The following ANP32A variants were observed in gnomAD, a reference collection of about 807,000 sequenced individuals.
ANP32A encodes the protein acidic nuclear phosphoprotein 32 family member A.
ANP32A carries 1 observed loss-of-function variant against 33.9 expected under a neutral mutation model. The ratio of observed to expected loss-of-function variants is 0.03; its 90% confidence interval spans 0.01 to 0.14. The LOEUF (loss-of-function observed/expected upper bound fraction) is 0.14. Ranked by LOEUF, ANP32A falls within the 10% of genes least tolerant of loss-of-function variation. ANP32A has a pLI of 1.00. For missense variants in ANP32A, 155 were observed against 306.0 expected, an observed-to-expected ratio of 0.51 and a Z score of 3.68; for synonymous variants, 115 against 120.5, an observed-to-expected ratio of 0.95 and a Z score of 0.30.
At chr15:68,808,192 C>G (rs938553306) in intron 1 of ANP32A, among the ~76,000 whole-genome samples, 3 of 152,208 alleles carry the variant, frequency 2.0e-5, no homozygotes, top group African/African-American at 7.2e-5. Flanking sequence ...TGGGGTGGTT[C>G]CCAACTGTGC....
At chr15:68,819,713 T>G (rs1894444389) in intron 1 of ANP32A, among the ~76,000 whole-genome samples, 1 of 152,138 alleles carries the variant, frequency 6.6e-6, no homozygotes, top group Non-Finnish European at 1.5e-5. Flanking sequence ...AAGGCTGGCA[T>G]CTTGGGGAAG....
intron 1 of ANP32A, among the ~76,000 whole-genome samples, chr15:68,809,690 T>C (rs1319624370): frequency 6.6e-6 from 1 of 152,010 alleles, no homozygotes; most frequent in Non-Finnish European, 1.5e-5. Context: ...CCAGCGGGCG[T>C]GGGGGTGCGG....
chr15:68,792,035 C>G (rs1347610522), intron 1 of ANP32A: 2 of 152,466 alleles, frequency 1.3e-5, no homozygotes, highest in East Asian at 3.9e-4. Flanking sequence ...TGAACTCTTG[C>G]TACAATACCA....
intron 1 of ANP32A, among the ~76,000 whole-genome samples, chr15:68,807,038 GA>G (rs1387116527): frequency 6.6e-6 from 1 of 152,254 alleles, no homozygotes; most frequent in Admixed American, 6.5e-5. Context: ...TGACCAGACA[GA>G]GAGAAAGCCA....
At chr15:68,815,423 C>T (rs747400668) in intron 1 of ANP32A, among the ~76,000 whole-genome samples, 3 of 150,604 alleles carry the variant, frequency 2.0e-5, no homozygotes, top group Non-Finnish European at 2.9e-5. Flanking sequence ...TTTTTTGTAA[C>T]GAGATCTGTT....
At position 68,779,995 on chromosome 15, in the gene ANP32A, G is replaced by A; in HGVS notation, c.*86C>T. ...CAATCAGAAAAAAATAAGTTTCAGG[G>A]GGCAGGATTGGAGGGGGGGGGGAGA... On this transcript the variant is annotated 3_prime_UTR_variant, in exon 7 of 7. Coordinates refer to ENST00000465139, the MANE Select transcript of ANP32A (RefSeq NM_006305.4). 1 of 1,273,110 alleles carries A rather than the reference G, an allele frequency of 7.9e-7. No homozygotes were observed. The highest frequency in any genetic ancestry group is 1.1e-6 in the Non-Finnish European group (1 of 902,772). 78.9% of individuals were successfully genotyped at this position (1,273,110 alleles called of 1,614,324 possible).
At chr15:68,796,542 T>C (rs1375197250) in intron 1 of ANP32A, among the ~76,000 whole-genome samples, 2 of 152,222 alleles carry the variant, frequency 1.3e-5, no homozygotes, top group Admixed American at 6.5e-5. Context: ...TACATGGTTG[T>C]TCCCCTCCTA....
At chr15:68,790,805 G>C (rs1270954857) in intron 1 of ANP32A, 2 of 152,242 alleles carry the variant, frequency 1.3e-5, no homozygotes, top group Non-Finnish European at 2.9e-5. Flanking sequence ...AGACCCCCAA[G>C]TCAATTCTAC....
intron 1 of ANP32A, among the ~76,000 whole-genome samples, chr15:68,806,452 A>G (rs1894225482): frequency 6.6e-6 from 1 of 152,216 alleles, no homozygotes. Flanking sequence ...GAGGGCAGTC[A>G]GCGTTCCATT....
At chr15:68,783,925 C>G (rs1056003365) in intron 4 of ANP32A, among the ~76,000 whole-genome samples, 7 of 152,236 alleles carry the variant, frequency 4.6e-5, no homozygotes, top group African/African-American at 1.7e-4. Flanking sequence ...CTACTGAATA[C>G]CTAGATGGGA....
At chr15:68,817,657 G>C (rs1467002351) in intron 1 of ANP32A, 1 of 146,776 alleles carries the variant, frequency 6.8e-6, no homozygotes, top group East Asian at 2.0e-4. Context: ...ACCCCGGAGA[G>C]GAGGCGGGGG....
intron 1 of ANP32A, among the ~76,000 whole-genome samples, chr15:68,805,798 G>A (rs1023709919): frequency 3.3e-5 from 5 of 152,096 alleles, no homozygotes; most frequent in Admixed American, 6.5e-5. Context: ...CTCCTTTAAC[G>A]CAGCCTTATG....
At chr15:68,784,745 CCA>C (rs1893911632) in intron 3 of ANP32A, 150 bp from the exon 4 acceptor site, 3 of 928,276 alleles carry the variant, frequency 3.2e-6, no homozygotes, top group Non-Finnish European at 4.9e-6. Flanking sequence ...CTCTGCTTAG[CCA>C]CAGTGTTTGC....
At chr15:68,810,003 T>C (rs1055421766) in intron 1 of ANP32A, among the ~76,000 whole-genome samples, 1 of 152,198 alleles carries the variant, frequency 6.6e-6, no homozygotes, top group Non-Finnish European at 1.5e-5. Flanking sequence ...GTAAGAGTTT[T>C]CTGGCAAAAG....
intron 1 of ANP32A, chr15:68,801,705 G>A (rs77243084): frequency 0.024 from 3,619 of 153,976 alleles, 57 homozygotes; most frequent in East Asian, 0.067. Flanking sequence ...AAAATAACCC[G>A]GAAAATGTTC....
At chr15:68,788,427 T>C (rs1359649762) in intron 1 of ANP32A, among the ~76,000 whole-genome samples, 1 of 145,818 alleles carries the variant, frequency 6.9e-6, no homozygotes, top group East Asian at 2.2e-4. Context: ...GGCATTCACA[T>C]GGCAGTACCC....
chr15:68,806,808 G>A (rs1894234167), intron 1 of ANP32A, among the ~76,000 whole-genome samples: 1 of 152,228 alleles, frequency 6.6e-6, no homozygotes, highest in Non-Finnish European at 1.5e-5. Flanking sequence ...AGGAACGCCT[G>A]GGTGGCTGTG....
intron 1 of ANP32A, among the ~76,000 whole-genome samples, chr15:68,815,752 C>T (rs1894371987): frequency 6.6e-6 from 1 of 152,276 alleles, no homozygotes; most frequent in Middle Eastern, 3.4e-3. Context: ...TGCGAGAACC[C>T]GGCTGTGCCA....
At chr15:68,792,089 G>C (rs184634390) in intron 1 of ANP32A, 1 of 151,096 alleles carries the variant, frequency 6.6e-6, no homozygotes, top group East Asian at 1.9e-4. Flanking sequence ...CATGCAAAGA[G>C]AACATCCCTT....
Sources: gnomAD v4.1 joint callset for allele counts (sites outside exome capture counted in the v4.1 genomes callset) on GRCh38, gnomAD v4.1.1 for gene constraint, MANE v1.5 for transcripts, NCBI Gene and HGNC (gene_info 2026-07-23, HGNC 2026-07-21) for gene names.